The following SEMA6D variants were observed in gnomAD, a reference collection of about 807,000 sequenced individuals.
The protein encoded by SEMA6D is semaphorin 6D, also known as semaphorin-6D.
A neutral mutation model predicts 106.6 loss-of-function variants in SEMA6D; 35 were observed. That is an observed-to-expected ratio of 0.33 (90% confidence interval 0.25 to 0.44). The LOEUF is 0.44. Among genes scored for constraint, SEMA6D ranks in the 20% least tolerant of loss-of-function variants. The pLI is 1.00. For synonymous variants in SEMA6D, 499 were observed against 487.7 expected (o/e 1.02, Z -0.31); for missense variants, 1,185 against 1,345.9 (o/e 0.88, Z 1.87).
intron 1 of SEMA6D, among the ~76,000 whole-genome samples, chr15:47,307,112 A>G (rs1021917703): frequency 1.3e-5 from 2 of 152,196 alleles, no homozygotes; most frequent in African/African-American, 4.8e-5. Flanking sequence ...TAATAATAGC[A>G]TTTATCTTAT....
chr15:47,482,459 C>T (rs7165627), intron 3 of SEMA6D, among the ~76,000 whole-genome samples: 4,079 of 152,168 alleles, frequency 0.027, 188 homozygotes, highest in African/African-American at 0.093. Context: ...TCTGGGTACC[C>T]TTTACTGATC....
At chr15:47,736,399 A>G (rs2080448614) in intron 1 of SEMA6D, among the ~76,000 whole-genome samples, 2 of 152,224 alleles carry the variant, frequency 1.3e-5, no homozygotes, top group Admixed American at 6.5e-5. Context: ...AAAATGCTCA[A>G]TGTGACCAAA....
At chr15:47,432,713 A>G (rs1200828465) in intron 2 of SEMA6D, among the ~76,000 whole-genome samples, 3 of 151,720 alleles carry the variant, frequency 2.0e-5, no homozygotes, top group Admixed American at 1.3e-4. Flanking sequence ...TGAAAAGACC[A>G]TGTGACCACA....
At chr15:47,511,159 TC>T (rs1566844265) in intron 3 of SEMA6D, among the ~76,000 whole-genome samples, 2 of 152,292 alleles carry the variant, frequency 1.3e-5, no homozygotes, top group South Asian at 4.2e-4. Context: ...TAAGTGTTCA[TC>T]TTTTTTCAGA....
intron 4 of SEMA6D, among the ~76,000 whole-genome samples, chr15:47,626,334 T>G (rs2077201628): frequency 6.6e-6 from 1 of 152,212 alleles, no homozygotes; most frequent in South Asian, 2.1e-4. Flanking sequence ...TATTCTTTTA[T>G]GAGAATGTGA....
intron 1 of SEMA6D, among the ~76,000 whole-genome samples, chr15:47,740,477 G>A (rs372636543): frequency 1.1e-4 from 16 of 151,824 alleles, no homozygotes; most frequent in East Asian, 5.8e-4. Context: ...CCAAGATTGC[G>A]CCACTGCACT....
At chr15:47,718,225 C>G (rs932023813) in intron 1 of SEMA6D, among the ~76,000 whole-genome samples, 1 of 152,230 alleles carries the variant, frequency 6.6e-6, no homozygotes, top group African/African-American at 2.4e-5. Context: ...CTTAGCCGCC[C>G]CCTCCCGCCC....
intron 1 of SEMA6D, among the ~76,000 whole-genome samples, chr15:47,370,474 C>T (rs1250326296): frequency 6.6e-6 from 1 of 151,928 alleles, no homozygotes; most frequent in Non-Finnish European, 1.5e-5. Context: ...GACATCGAGC[C>T]ACTGCACTGC....
chr15:47,605,622 C>A (rs1230449747), intron 4 of SEMA6D, among the ~76,000 whole-genome samples: 1 of 152,190 alleles, frequency 6.6e-6, no homozygotes, highest in East Asian at 1.9e-4. Flanking sequence ...TCCCCAACCA[C>A]ATCCCCGATC....
chr15:47,652,629 T>A (rs1486937248), intron 4 of SEMA6D, among the ~76,000 whole-genome samples: 1 of 152,188 alleles, frequency 6.6e-6, no homozygotes, highest in Non-Finnish European at 1.5e-5. Flanking sequence ...CCACTTCACG[T>A]ATAGACTGCT....
In SEMA6D at chr15:47,770,829, T is replaced by G; in HGVS notation, c.2266T>G (p.Ser756Ala). The change falls in exon 19 of 19, where the codon TCC becomes GCC. Residue 756 changes from serine (S) to alanine (A), a missense_variant. This residue lies in a region of SEMA6D where 750 missense variants were observed against 783.5 expected (regional missense o/e 0.96). Coordinates refer to ENST00000536845, the MANE Select transcript of SEMA6D (RefSeq NM_001358351.3). ...GCTACCACCCAATGGAGATACTAAA[T>G]CCATGGTAATGGACCATCGAGGGCA... ...KELPPNGDTK[S>A]MVMDHRGQPP... The G allele has an allele frequency of 6.2e-7, 1 of 1,613,906 alleles. No homozygotes were observed. Among genetic ancestry groups the G allele is most frequent in the Non-Finnish European group, 8.5e-7 (1 of 1,179,956 alleles).
chr15:47,597,342 A>G (rs1240205341), intron 3 of SEMA6D, among the ~76,000 whole-genome samples: 1 of 152,098 alleles, frequency 6.6e-6, no homozygotes, highest in Non-Finnish European at 1.5e-5. Flanking sequence ...GAACGACAGT[A>G]TGGTCCGGCA....
chr15:47,352,277 C>A (rs1198597337), intron 1 of SEMA6D, among the ~76,000 whole-genome samples: 1 of 152,082 alleles, frequency 6.6e-6, no homozygotes, highest in Non-Finnish European at 1.5e-5. Context: ...GGACTGATTT[C>A]CATCAAGATG....
At chr15:47,359,860 G>C (rs2038732549) in intron 1 of SEMA6D, 1 of 152,066 alleles carries the variant, frequency 6.6e-6, no homozygotes, top group African/African-American at 2.4e-5. Context: ...ATTAGAGCTG[G>C]GGAAGGTGGG....
chr15:47,743,681 C>G lies in SEMA6D; in HGVS notation c.-54-16064C>G, dbSNP rs529982947. Reference sequence around the variant, plus strand: ...GGAATCAGTCATGAAGAGGAAGGGACAAGAAGAGCATTCCAGGTAGTGATG... The same window carrying G: ...GGAATCAGTCATGAAGAGGAAGGGAGAAGAAGAGCATTCCAGGTAGTGATG... On this transcript the variant is annotated intron_variant, in intron 1 of 18. Coordinates refer to ENST00000536845, the MANE Select transcript of SEMA6D (RefSeq NM_001358351.3). Among the ~76,000 whole-genome samples the G allele has an allele frequency of 2.0e-5, 3 of 152,154 alleles. No individual in the cohort carries two copies. The South Asian group carries it at 6.2e-4, about 32-fold the overall frequency.
At chr15:47,379,049 A>G (rs927165822) in intron 1 of SEMA6D, among the ~76,000 whole-genome samples, 3 of 152,230 alleles carry the variant, frequency 2.0e-5, no homozygotes, top group African/African-American at 7.2e-5. Flanking sequence ...TTCTGCCTCT[A>G]TAACTGCCGT....
chr15:47,359,425 A>G (rs2038714389), intron 1 of SEMA6D: 1 of 152,194 alleles, frequency 6.6e-6, no homozygotes, highest in Non-Finnish European at 1.5e-5. Context: ...AGTGCTTAGG[A>G]TATACTGAGC....
At chr15:47,631,093 G>A (rs993753909) in intron 4 of SEMA6D, among the ~76,000 whole-genome samples, 4 of 151,722 alleles carry the variant, frequency 2.6e-5, no homozygotes, top group African/African-American at 4.8e-5. Context: ...TTGGTAGCAG[G>A]ACATTATTAG....
At position 47,207,993 on chromosome 15, in the gene SEMA6D, G is replaced by GCGCACACA. The variant is rs1424944556; in HGVS notation, c.-239+23576_-239+23577insGCACACAC. On this transcript the variant is annotated intron_variant, in intron 1 of 19. Transcript: ENST00000558014. ...AGGTACAGTAGCCACTGGCGCGCGC[G>GCGCACACA]CACACACACACACACACACACACAC... 5.3e-3 allele frequency among the ~76,000 whole-genome samples: 475 copies of GCGCACACA among 89,366 alleles called. 3 individuals are homozygous for GCGCACACA. Among genetic ancestry groups the GCGCACACA allele is most frequent in the Middle Eastern group, 0.012 (2 of 168 alleles). The allele number at this position is 89,366 out of a possible 152,430, so 58.6% of individuals were successfully genotyped here.
Sources: gnomAD v4.1 joint callset for allele counts (sites outside exome capture counted in the v4.1 genomes callset) on GRCh38, gnomAD v4.1.1 for gene constraint, gnomAD v4.1.1 regional missense constraint, MANE v1.5 for transcripts, NCBI Gene and HGNC (gene_info 2026-07-23, HGNC 2026-07-21) for gene names.